Variants in WWOX observed in about 807,000 individuals in gnomAD.
The protein encoded by WWOX is WW domain-containing oxidoreductase.
In WWOX, 69 loss-of-function variants were observed where a neutral mutation model predicts 46.2. The observed-to-expected ratio is 1.49, with a 90% confidence interval of 1.23 to 1.82. The LOEUF (loss-of-function observed/expected upper bound fraction) is 1.82, where lower values mean the gene tolerates loss of function less well. WWOX is among the 40% of genes most tolerant of loss of function. The pLI is 0.00. For synonymous variants in WWOX, 359 were observed against 202.6 expected (o/e 1.77, Z -6.56); for missense variants, 919 against 542.6 (o/e 1.69, Z -6.89).
intron 5 of WWOX, among the ~76,000 whole-genome samples, chr16:78,284,973 A>T (rs148672649): frequency 1.3e-3 from 193 of 152,340 alleles, no homozygotes; most frequent in African/African-American, 4.6e-3. Context: ...TATTTAGGGA[A>T]AATGGAACTG....
At chr16:78,434,701 A>G (rs1323222782) in intron 8 of WWOX, among the ~76,000 whole-genome samples, 1 of 152,116 alleles carries the variant, frequency 6.6e-6, no homozygotes, top group African/African-American at 2.4e-5. Flanking sequence ...CTTCTTCCAT[A>G]AGGTCCCTAA....
At chr16:79,055,413 C>G (rs748323473) in intron 8 of WWOX, among the ~76,000 whole-genome samples, 8 of 152,078 alleles carry the variant, frequency 5.3e-5, no homozygotes, top group Admixed American at 2.6e-4. Flanking sequence ...GCTGAGTGGC[C>G]GTGTAAAATG....
At chr16:78,355,620 A>T (rs2081269794) in intron 5 of WWOX, 1 of 582,512 alleles carries the variant, frequency 1.7e-6, no homozygotes, top group Non-Finnish European at 3.3e-6. Context: ...ATTTGTGTGA[A>T]AATGAGAAAC....
intron 8 of WWOX, among the ~76,000 whole-genome samples, chr16:78,536,580 G>A (rs1006461421): frequency 2.0e-5 from 3 of 152,088 alleles, no homozygotes; most frequent in Admixed American, 6.6e-5. Flanking sequence ...TGGTAGCCAA[G>A]GACAGTACTG....
At chr16:78,619,925 A>AAT (rs2046136039) in intron 8 of WWOX, among the ~76,000 whole-genome samples, 2 of 152,068 alleles carry the variant, frequency 1.3e-5, no homozygotes, top group Admixed American at 1.3e-4. Flanking sequence ...TAAATAAATA[A>AAT]AAATAAAAGT....
rs144884027 is a variant in WWOX, at chr16:78,936,947, G to A, written c.1057-274661G>A. 2.6e-5 allele frequency among the ~76,000 whole-genome samples: 4 copies of A among 152,218 alleles called. No homozygotes were observed. In the East Asian group the frequency reaches 5.8e-4, roughly 22 times the overall value. On this transcript the variant is annotated intron_variant, in intron 8 of 8. Transcript: ENST00000566780. ...TTTCATGGTTAAATCTTGTAAAGAT[G>A]CTTTTTAAAGCATATTAATCCATTA... is the stretch of plus-strand genomic sequence containing the variant.
At chr16:78,750,255 C>T (rs2049444206) in intron 8 of WWOX, among the ~76,000 whole-genome samples, 1 of 152,132 alleles carries the variant, frequency 6.6e-6, no homozygotes, top group Non-Finnish European at 1.5e-5. Context: ...CCACTGAACT[C>T]CTATTCAGAG....
chr16:78,500,477 C>G (rs533349527), intron 8 of WWOX, among the ~76,000 whole-genome samples: 2 of 151,856 alleles, frequency 1.3e-5, no homozygotes, highest in South Asian at 4.2e-4. Flanking sequence ...TAGATCGCTG[C>G]ATGCTGCCGC....
intron 8 of WWOX, among the ~76,000 whole-genome samples, chr16:78,684,201 A>G (rs558591758): frequency 6.6e-6 from 1 of 152,276 alleles, no homozygotes; most frequent in East Asian, 1.9e-4. Context: ...GGCATGAGTC[A>G]TCTTTCCCAT....
At chr16:78,788,158 C>A (rs2550590) in intron 8 of WWOX, among the ~76,000 whole-genome samples, 109,336 of 152,108 alleles carry the variant, frequency 0.72, 39,393 homozygotes, top group East Asian at 0.79. Context: ...GATGAAGTCC[C>A]CTTTATCTAT....
At chr16:78,332,072 A>T (rs2151892932) in intron 5 of WWOX, among the ~76,000 whole-genome samples, 1 of 152,242 alleles carries the variant, frequency 6.6e-6, no homozygotes, top group South Asian at 2.1e-4. Context: ...GTTGAGGCTC[A>T]GCTCAAGCCT....
At chr16:78,714,191 A>T (rs561743450) in intron 8 of WWOX, among the ~76,000 whole-genome samples, 1 of 152,310 alleles carries the variant, frequency 6.6e-6, no homozygotes, top group South Asian at 2.1e-4. Flanking sequence ...ATATTAGTCT[A>T]TTCTCACACT....
chr16:78,135,684 GAAA>G (rs142640446), intron 4 of WWOX, among the ~76,000 whole-genome samples: 1 of 145,222 alleles, frequency 6.9e-6, no homozygotes, highest in Non-Finnish European at 1.5e-5. Flanking sequence ...CAGTATTACT[GAAA>G]AAAAAACAAA....
At chr16:78,472,496 C>G (rs2084248480) in intron 8 of WWOX, among the ~76,000 whole-genome samples, 2 of 152,022 alleles carry the variant, frequency 1.3e-5, no homozygotes, top group African/African-American at 4.8e-5. Flanking sequence ...AATATGTGCC[C>G]TGAAGTTTTG....
At chr16:78,825,904 C>T in intron 8 of WWOX, 1 of 706,872 alleles carries the variant, frequency 1.4e-6, no homozygotes, top group Non-Finnish European at 2.5e-6. Context: ...ACGTGAGCAT[C>T]ATGGAACCCA....
Position 78,348,928 on chromosome 16 carries a change from C to G in WWOX, c.517-37932C>G. On this transcript the variant is annotated intron_variant, in intron 5 of 8. Coordinates refer to ENST00000566780, the MANE Select transcript of WWOX (RefSeq NM_016373.4). ...GTCAGAAATCAGGGTGGAAAATAGCCCAGCAGAGGGGAAAAGAGGAAGTCT... is the reference window on the plus strand; with the variant it reads ...GTCAGAAATCAGGGTGGAAAATAGCGCAGCAGAGGGGAAAAGAGGAAGTCT... Among the ~76,000 whole-genome samples the G allele has an allele frequency of 1.7e-5, 2 of 118,890 alleles. 1 individual carries two copies. The highest frequency in any genetic ancestry group is 1.6e-4 in the Admixed American group (2 of 12,216). 78.0% of individuals were successfully genotyped at this position (118,890 alleles called of 152,430 possible).
chr16:78,485,139 C>T (rs79265012), intron 8 of WWOX, among the ~76,000 whole-genome samples: 25 of 110,536 alleles, frequency 2.3e-4, no homozygotes, highest in Middle Eastern at 4.3e-3. Context: ...TTTACATGTA[C>T]TTTAAAAAAA....
At chr16:78,951,874 T>C (rs529299775) in intron 8 of WWOX, among the ~76,000 whole-genome samples, 5 of 152,272 alleles carry the variant, frequency 3.3e-5, no homozygotes, top group African/African-American at 9.6e-5. Flanking sequence ...GCAACACTCT[T>C]CAATGGATGT....
chr16:79,024,714 C>T (rs566531229), intron 8 of WWOX, among the ~76,000 whole-genome samples: 38 of 152,228 alleles, frequency 2.5e-4, no homozygotes, highest in Non-Finnish European at 2.2e-4. Context: ...GGATTACAGG[C>T]ATGAGCCACC....
Sources: gnomAD v4.1 joint callset for allele counts (sites outside exome capture counted in the v4.1 genomes callset) on GRCh38, gnomAD v4.1.1 for gene constraint, MANE v1.5 for transcripts, NCBI Gene and HGNC (gene_info 2026-07-23, HGNC 2026-07-21) for gene names.